Variants in BRAP observed in about 807,000 individuals in gnomAD.
BRAP encodes BRCA1-associated protein.
A neutral mutation model predicts 73.4 loss-of-function variants in BRAP; 42 were observed. That is an observed-to-expected ratio of 0.57 (90% CI 0.45 to 0.74). BRAP has a LOEUF of 0.74. Among genes scored for constraint, BRAP ranks in the 30% least tolerant of loss-of-function variants. The pLI, the probability that BRAP is intolerant of heterozygous loss-of-function variation, is 0.00. For missense variants in BRAP, 593 were observed against 751.4 expected (o/e 0.79, Z 2.46); for synonymous variants, 255 against 267.4 (o/e 0.95, Z 0.45).
At position 111,644,257 on chromosome 12, in the gene BRAP, G is replaced by T. The variant is rs773095500; in HGVS notation, c.1721C>A (p.Ser574Tyr). 6.2e-7 allele frequency: 1 copy of T among 1,614,022 alleles called. No individual in the cohort carries two copies. The highest frequency in any genetic ancestry group is 1.1e-5 in the South Asian group (1 of 91,084). Reference protein sequence around the residue: ...IAMASASSPASSGGSGKLPSR... With the variant: ...IAMASASSPAYSGGSGKLPSR... ...GGGCAACTTCCCACTGCCCCCCGAA[G>T]AGGCAGGGCTCGAGGCCGAGGCCAT... is the stretch of plus-strand genomic sequence containing the variant. Residue 574 changes from serine (S) to tyrosine (Y), a missense_variant, in exon 12 of 12, where the codon TCT (serine) becomes TAT (tyrosine). Ser to Tyr is a moderately radical substitution (Grantham distance 144, BLOSUM62 -2). Around this residue, in one of 4 missense-constraint regions of BRAP, gnomAD observed 79 missense variants for 65.3 expected, o/e 1.21. Coordinates refer to ENST00000419234, the MANE Select transcript of BRAP (RefSeq NM_006768.5).
In BRAP at chr12:111,672,697, C is replaced by T. The variant is rs1319263300; in HGVS notation, c.711G>A (p.Val237=). ...NSIEDDVCQL[V]YVERAEVLKS... ...TGAGCACTTCAGCTCTTTCCACATACACTAGCTGGCAAACGTCATCTTCTA... is the reference window on the plus strand; with the variant it reads ...TGAGCACTTCAGCTCTTTCCACATATACTAGCTGGCAAACGTCATCTTCTA... The change falls in exon 5 of 12, where the codon GTG becomes GTA. Residue 237 remains valine, a synonymous_variant. Transcript: ENST00000419234. 3.7e-6 allele frequency: 6 copies of T among 1,613,984 alleles called. No individual in the cohort carries two copies. The African/African-American group carries it at 6.7e-5, about 18-fold the overall frequency.
In BRAP at chr12:111,643,621, A is replaced by G. The variant is rs1275723141; in HGVS notation, c.*578T>C. 1 of 152,308 alleles carries G rather than the reference A, an allele frequency of 6.6e-6. No homozygotes were observed. The highest frequency in any genetic ancestry group is 1.5e-5 in the Non-Finnish European group (1 of 68,136). 9.4% of individuals were successfully genotyped at this position (152,308 alleles called of 1,614,324 possible). On this transcript the variant is annotated 3_prime_UTR_variant, in exon 12 of 12. Transcript: ENST00000419234. ...AAGAGATGACTGCTGGTAAAGAGCC[A>G]GGGCCTGGTTTACTACCAGGCCTCT... is the stretch of plus-strand genomic sequence containing the variant.
At chr12:111,657,411 T>TA (rs1226618565) in intron 9 of BRAP, among the ~76,000 whole-genome samples, 5 of 152,222 alleles carry the variant, frequency 3.3e-5, no homozygotes, top group African/African-American at 1.2e-4. Flanking sequence ...TCTAAATACT[T>TA]AAAAGTGTTT....
At chr12:111,672,822 G>GA (rs1234169702) in intron 4 of BRAP, 48 bp from the exon 5 acceptor site, 2 of 1,443,788 alleles carry the variant, frequency 1.4e-6, no homozygotes, top group Non-Finnish European at 1.9e-6. Context: ...CAGATACCCT[G>GA]AAAATCTGCT....
chr12:111,660,660 C>T lies in BRAP; in HGVS notation c.912G>A (p.Arg304=). 3 of 1,607,564 alleles carry T rather than the reference C, an allele frequency of 1.9e-6. No individual in the cohort carries two copies. The highest frequency in any genetic ancestry group is 1.1e-5 in the South Asian group (1 of 90,176). Residue 304 remains arginine (R), a synonymous_variant, in exon 7 of 12, where the codon CGG becomes CGA. Transcript: ENST00000419234. ...RWDDTTCPVC[R]YCQTPEPVEE... is the part of the protein sequence containing the mutation. ...CTACTGGCTCGGGCGTTTGACAGTACCGGCAAACAGGACACCTATCCAGGA... is the reference window on the plus strand; with the variant it reads ...CTACTGGCTCGGGCGTTTGACAGTATCGGCAAACAGGACACCTATCCAGGA...
At chr12:111,661,026 C>A (rs1178998594) in intron 6 of BRAP, among the ~76,000 whole-genome samples, 1 of 151,212 alleles carries the variant, frequency 6.6e-6, no homozygotes, top group Non-Finnish European at 1.5e-5. Flanking sequence ...GTTGCCTGGG[C>A]TGGAGTGCAG....
At chr12:111,648,789 T>C (rs1444586332) in intron 11 of BRAP, among the ~76,000 whole-genome samples, 1 of 150,210 alleles carries the variant, frequency 6.7e-6, no homozygotes, top group South Asian at 2.1e-4. Context: ...TAGCTGGGCA[T>C]GGTGGCAGGC....
intron 9 of BRAP, among the ~76,000 whole-genome samples, chr12:111,658,485 C>T (rs10774633): frequency 0.078 from 11,868 of 151,856 alleles, 1,608 homozygotes; most frequent in East Asian, 0.62. Context: ...GCCACCATGC[C>T]CAGCTAATTT....
chr12:111,683,296 A>C lies in BRAP; in HGVS notation c.94T>G (p.Ser32Ala). The C allele has an allele frequency of 3.1e-6, 5 of 1,609,932 alleles. No individual in the cohort carries two copies. The highest frequency in any genetic ancestry group is 4.2e-6 in the Non-Finnish European group (5 of 1,178,954). ...GTCGTCTTTTTTATCTCCTCATCAG[A>C]CATTTCCCCGGCTAAAGAACACATG... ...FGFSAAAGEM[S>A]DEEIKKTTLA... Residue 32 changes from serine (S) to alanine (A), a missense_variant, in exon 2 of 12, where the codon TCT becomes GCT. Around this residue, in one of 4 missense-constraint regions of BRAP, gnomAD observed 304 missense variants for 337.7 expected, o/e 0.90. Transcript: ENST00000419234.
intron 11 of BRAP, among the ~76,000 whole-genome samples, chr12:111,644,923 A>G (rs1312321717): frequency 1.3e-5 from 2 of 151,034 alleles, no homozygotes; most frequent in Non-Finnish European, 2.9e-5. Flanking sequence ...TGCCTGGCTA[A>G]TTTTTGTATT....
intron 5 of BRAP, among the ~76,000 whole-genome samples, chr12:111,669,311 C>A (rs1592987599): frequency 6.6e-6 from 1 of 151,786 alleles, no homozygotes; most frequent in East Asian, 1.9e-4. Context: ...CTCACCGCAA[C>A]CTCTGCCTCC....
intron 2 of BRAP, 63 bp from the exon 3 acceptor site, chr12:111,681,898 T>C (rs1255954954): frequency 2.1e-6 from 3 of 1,433,180 alleles, no homozygotes; most frequent in African/African-American, 1.4e-5. Flanking sequence ...GGATTTGAAC[T>C]AGATTAAAAT....
chr12:111,654,184 T>A (rs1462229465), intron 10 of BRAP, among the ~76,000 whole-genome samples: 1 of 152,152 alleles, frequency 6.6e-6, no homozygotes, highest in East Asian at 1.9e-4. Flanking sequence ...CTGCACATAC[T>A]CTAATCAAGG....
Position 111,644,439 on chromosome 12 carries a change from C to T in BRAP, c.1539G>A (p.Arg513=), listed in dbSNP as rs1181302474. 3 of 1,614,048 alleles carry T rather than the reference C, an allele frequency of 1.9e-6. No individual in the cohort carries two copies. Among genetic ancestry groups the T allele is most frequent in the Non-Finnish European group, 2.5e-6 (3 of 1,180,002 alleles). ...LLQNKLKEEE[R]VLKETCDQKD... is the part of the protein sequence containing the mutation. ...TTTGGTCACAGGTCTCCTTCAGCAC[C>T]CTCTCCTCCTCTTTTAGCTTGTTCT... Residue 513 remains arginine (R), a synonymous_variant, in exon 12 of 12, where the codon AGG becomes AGA. Transcript: ENST00000419234.
At chr12:111,652,529 G>C (rs905506691) in intron 10 of BRAP, among the ~76,000 whole-genome samples, 5 of 152,090 alleles carry the variant, frequency 3.3e-5, no homozygotes, top group African/African-American at 1.2e-4. Context: ...GGCCAGAAAG[G>C]TTCTTAATAT....
intron 4 of BRAP, among the ~76,000 whole-genome samples, chr12:111,677,167 CTGT>C (rs1266530215): frequency 6.6e-6 from 1 of 152,162 alleles, no homozygotes; most frequent in Non-Finnish European, 1.5e-5. Flanking sequence ...TTATAGGGAA[CTGT>C]GTGGGTTTAT....
intron 6 of BRAP, among the ~76,000 whole-genome samples, chr12:111,662,521 G>C (rs188113632): frequency 5.3e-5 from 8 of 151,948 alleles, no homozygotes; most frequent in Admixed American, 5.3e-4. Flanking sequence ...TTGCACTCCA[G>C]CCTGGGCAAC....
chr12:111,667,076 A>G (rs1414795571), intron 5 of BRAP, among the ~76,000 whole-genome samples: 1 of 152,224 alleles, frequency 6.6e-6, no homozygotes, highest in Non-Finnish European at 1.5e-5. Context: ...AAAATGGACA[A>G]AAATTGATAG....
At chr12:111,681,888 G>A in intron 2 of BRAP, 53 bp from the exon 3 acceptor site, 1 of 1,478,968 alleles carries the variant, frequency 6.8e-7, no homozygotes, top group Non-Finnish European at 9.1e-7. Context: ...ATATGCTGAA[G>A]GATTTGAACT....
Sources: gnomAD v4.1 joint callset for allele counts (sites outside exome capture counted in the v4.1 genomes callset) on GRCh38, gnomAD v4.1.1 for gene constraint, gnomAD v4.1.1 regional missense constraint, MANE v1.5 for transcripts, NCBI Gene and HGNC (gene_info 2026-07-23, HGNC 2026-07-21) for gene names.